SNX10: variants seen among roughly 807,000 people sequenced by gnomAD.
The protein encoded by SNX10 is sorting nexin 10.
SNX10 carries 25 observed loss-of-function variants against 28.5 expected under a neutral mutation model. That is an observed-to-expected ratio of 0.88 (90% CI 0.64 to 1.22). The LOEUF is 1.22. Ranked by LOEUF, SNX10 falls within the 50% of genes most tolerant of loss-of-function variation. The pLI is 0.00. For synonymous variants in SNX10, 62 were observed against 81.4 expected, an observed-to-expected ratio of 0.76 and a Z score of 1.28; for missense variants, 223 against 242.6, an observed-to-expected ratio of 0.92 and a Z score of 0.54.
chr7:26,355,647 G>A (rs1414512972), intron 2 of SNX10, among the ~76,000 whole-genome samples: 2 of 152,188 alleles, frequency 1.3e-5, no homozygotes, highest in Admixed American at 1.3e-4. Flanking sequence ...AAGCCAGAAG[G>A]ACAGAGTTTG....
Position 26,364,309 on chromosome 7 carries a change from C to T in SNX10, c.112-226C>T, listed in dbSNP as rs1789204235. ...GATGCAGGGAGTGGCCAGGTCATAC[C>T]TCACCCTGGGGCAACACTGCTTATT... On this transcript the variant is annotated intron_variant, in intron 3 of 6. Coordinates refer to ENST00000338523, the MANE Select transcript of SNX10 (RefSeq NM_013322.3). The surrounding 1 kb of genome is among the most constrained non-coding windows in gnomAD (Gnocchi z 4.9). 2 of 1,237,624 alleles carry T rather than the reference C, an allele frequency of 1.6e-6. No homozygotes were observed. Among genetic ancestry groups the T allele is most frequent in the Non-Finnish European group, 2.0e-6 (2 of 987,732 alleles). 76.7% of individuals were successfully genotyped at this position (1,237,624 alleles called of 1,614,324 possible).
intron 1 of SNX10, among the ~76,000 whole-genome samples, chr7:26,302,470 G>A (rs561539704): frequency 1.9e-4 from 26 of 134,398 alleles, no homozygotes; most frequent in Non-Finnish European, 4.1e-4. Flanking sequence ...CATTCACATG[G>A]TCTCCCTCTG....
At chr7:26,304,204 C>T (rs546155471) in intron 1 of SNX10, among the ~76,000 whole-genome samples, 9 of 152,334 alleles carry the variant, frequency 5.9e-5, no homozygotes, top group African/African-American at 1.4e-4. Context: ...TCTCCTCCAG[C>T]CTTCCCCATC....
chr7:26,299,327 C>T (rs959590549), intron 1 of SNX10, among the ~76,000 whole-genome samples: 2 of 152,104 alleles, frequency 1.3e-5, no homozygotes, highest in South Asian at 4.1e-4. Flanking sequence ...TCCTGAGTAG[C>T]TGGGATTACA....
intron 1 of SNX10, among the ~76,000 whole-genome samples, chr7:26,338,053 A>G (rs73283400): frequency 0.026 from 3,861 of 148,362 alleles, 145 homozygotes; most frequent in African/African-American, 0.09. Flanking sequence ...ATGTTTTCAT[A>G]TGTTTATTGG....
intron 1 of SNX10, among the ~76,000 whole-genome samples, chr7:26,303,019 C>A (rs1584090752): frequency 6.6e-6 from 1 of 151,988 alleles, no homozygotes; most frequent in Non-Finnish European, 1.5e-5. Context: ...ATGAGAGGAC[C>A]CTAAAGGAAG....
At chr7:26,298,654 A>G (rs898419716) in intron 1 of SNX10, among the ~76,000 whole-genome samples, 1 of 152,236 alleles carries the variant, frequency 6.6e-6, no homozygotes, top group African/African-American at 2.4e-5. Flanking sequence ...CAAAATGGAA[A>G]ATGTTCATTA....
Position 26,292,000 on chromosome 7 carries a change from C to A in SNX10, c.-110C>A. On this transcript the variant is annotated 5_prime_UTR_variant, in exon 1 of 7. Coordinates refer to ENST00000338523, the MANE Select transcript of SNX10 (RefSeq NM_013322.3). ...CCTGGGCGCTCGCCGCCGCCGCTGC[C>A]GCCGCGCGCCTTTGAGTCAGCAAAC... 1 of 148,708 alleles carries A rather than the reference C, an allele frequency of 6.7e-6. No homozygotes were observed. Among genetic ancestry groups the A allele is most frequent in the South Asian group, 2.1e-4 (1 of 4,868 alleles). 9.2% of individuals were successfully genotyped at this position (148,708 alleles called of 1,614,324 possible). A position where few individuals can be genotyped will look rare whatever the true frequency, so the allele number is the denominator to read the frequency against.
At chr7:26,337,054 C>G (rs1284038407) in intron 1 of SNX10, among the ~76,000 whole-genome samples, 1 of 152,144 alleles carries the variant, frequency 6.6e-6, no homozygotes, top group Non-Finnish European at 1.5e-5. Context: ...TGAAATAGCT[C>G]ACATTCCTAC....
At chr7:26,357,145 C>A in intron 2 of SNX10, 1 of 569,694 alleles carries the variant, frequency 1.8e-6, no homozygotes, top group South Asian at 2.5e-5. Flanking sequence ...CAATACAGCA[C>A]AGTAGGATGT....
rs1786162977 is a variant in SNX10 at position 26,297,667 on chromosome 7, A to G, written c.-24+5581A>G. Among the ~76,000 whole-genome samples, 4 of 152,154 alleles carry G rather than the reference A, an allele frequency of 2.6e-5. No homozygotes were observed. The South Asian group carries it at 8.3e-4, about 32-fold the overall frequency. ...TCACATCTTTCTTCCTCTGCAGGAA[A>G]CAGATTTTTCAGGGCCTTCCATACC... On this transcript the variant is annotated intron_variant, in intron 1 of 6. Coordinates refer to ENST00000338523, the MANE Select transcript of SNX10 (RefSeq NM_013322.3).
rs1302313209 is a variant in SNX10, at chr7:26,364,821, G to T, written c.212+186G>T. On this transcript the variant is annotated intron_variant, in intron 4 of 6. Coordinates refer to ENST00000338523, the MANE Select transcript of SNX10 (RefSeq NM_013322.3). This position sits in a 1 kb window ranked among gnomAD's most constrained non-coding sequence, Gnocchi z 4.9. The stretch of plus-strand genomic sequence containing the variant: ...TTATCACTTAAATTTCACCAACTTT[G>T]ATGGGTATAGGCCATGAAAGGCCTC... 1.3e-5 allele frequency among the ~76,000 whole-genome samples: 2 copies of T among 152,078 alleles called. No homozygotes were observed. The highest frequency in any genetic ancestry group is 2.1e-4 in the South Asian group (1 of 4,824).
chr7:26,344,175 A>AT (rs35200460), intron 1 of SNX10, among the ~76,000 whole-genome samples: 3,861 of 114,048 alleles, frequency 0.034, 256 homozygotes, highest in African/African-American at 0.11. Context: ...CTGTCTCTGA[A>AT]TTTTTTTTTT....
chr7:26,300,852 C>G (rs1265008852), intron 1 of SNX10, among the ~76,000 whole-genome samples: 2 of 151,900 alleles, frequency 1.3e-5, no homozygotes, highest in African/African-American at 2.4e-5. Context: ...AACCCCATCT[C>G]TACTAAAAAT....
chr7:26,348,620 G>A (rs1317154659), intron 2 of SNX10, among the ~76,000 whole-genome samples: 3 of 152,132 alleles, frequency 2.0e-5, no homozygotes, highest in Non-Finnish European at 4.4e-5. Context: ...AGAGTCACTT[G>A]GTGTAGCTGG....
chr7:26,339,633 G>A (rs1444627721), intron 1 of SNX10, among the ~76,000 whole-genome samples: 5 of 146,178 alleles, frequency 3.4e-5, no homozygotes, highest in Non-Finnish European at 7.4e-5. Flanking sequence ...AAGTTTAAGC[G>A]ATTCTCCTGC....
chr7:26,358,633 G>T (rs1386966551), intron 2 of SNX10, among the ~76,000 whole-genome samples: 1 of 151,908 alleles, frequency 6.6e-6, no homozygotes, highest in Non-Finnish European at 1.5e-5. Flanking sequence ...AGCTACTGGG[G>T]GCGGGGTTGG....
At chr7:26,299,289 G>A (rs1296075363) in intron 1 of SNX10, among the ~76,000 whole-genome samples, 4 of 152,016 alleles carry the variant, frequency 2.6e-5, no homozygotes, top group Non-Finnish European at 5.9e-5. Context: ...TCTGCCTCCC[G>A]GGTTCAAGCG....
chr7:26,292,535 C>CGTGGGATT (rs1247873479), intron 1 of SNX10, among the ~76,000 whole-genome samples: 2 of 151,892 alleles, frequency 1.3e-5, no homozygotes, highest in Middle Eastern at 3.2e-3. Context: ...CAGGTTTATT[C>CGTGGGATT]GTGGGATTGT....
Sources: allele counts gnomAD v4.1 joint callset (sites outside exome capture counted in the v4.1 genomes callset), GRCh38; gene constraint gnomAD v4.1.1; non-coding constraint Gnocchi (gnomAD v3.1); transcripts MANE v1.5; gene names NCBI Gene and HGNC (gene_info 2026-07-23, HGNC 2026-07-21).